NXPE2: variants seen among roughly 807,000 people sequenced by gnomAD.
NXPE2 encodes neurexophilin and PC-esterase domain family member 2, also known as NXPE family member 2.
NXPE2 carries 34 observed loss-of-function variants against 34.4 expected under a neutral mutation model. That is an observed-to-expected ratio of 0.99 (90% CI 0.75 to 1.31). NXPE2 has a LOEUF of 1.31. Among genes scored for constraint, NXPE2 ranks in the 40% most tolerant of loss-of-function variants. NXPE2 has a pLI of 0.00. For missense variants in NXPE2, 649 were observed against 672.5 expected, an observed-to-expected ratio of 0.97 and a Z score of 0.39; for synonymous variants, 235 against 231.3, an observed-to-expected ratio of 1.02 and a Z score of -0.15.
At chr11:114,582,310 G>A in the NXPE2 span, 14 of 1,581,698 alleles carry the variant, frequency 8.9e-6, no homozygotes, top group Middle Eastern at 3.4e-4. Context: ...CTCTTTTCTT[G>A]TTTGCTAAGA....
At chr11:114,514,590 T>C in the NXPE2 span, among the ~76,000 whole-genome samples, 1 of 152,124 alleles carries the variant, frequency 6.6e-6, no homozygotes, top group South Asian at 2.1e-4. Context: ...GGTCTCACTA[T>C]GTTGCCCAGG....
At chr11:114,553,768 G>A in the NXPE2 span, 6 of 985,236 alleles carry the variant, frequency 6.1e-6, no homozygotes, top group South Asian at 9.4e-5. Flanking sequence ...CACTGGTAGA[G>A]GTGAGCTGAA....
the NXPE2 span, among the ~76,000 whole-genome samples, chr11:114,712,505 A>T: frequency 2.0e-5 from 3 of 152,226 alleles, no homozygotes. Context: ...GCCAATAAAC[A>T]CATAAAAAGA....
the NXPE2 span, among the ~76,000 whole-genome samples, chr11:114,659,667 T>C: frequency 6.6e-6 from 1 of 152,092 alleles, no homozygotes; most frequent in Non-Finnish European, 1.5e-5. Context: ...GGGATGCAGG[T>C]AAAGCAGTGT....
chr11:114,748,309 A>G, the NXPE2 span, among the ~76,000 whole-genome samples: 1 of 152,194 alleles, frequency 6.6e-6, no homozygotes, highest in Non-Finnish European at 1.5e-5. Flanking sequence ...TCCTACTAAT[A>G]AGGACTTTCT....
the NXPE2 span, among the ~76,000 whole-genome samples, chr11:114,767,734 C>A: frequency 1.3e-5 from 2 of 152,266 alleles, no homozygotes; most frequent in South Asian, 4.2e-4. Context: ...GCTATGCTCT[C>A]CATGGTACAT....
chr11:114,571,423 C>G, the NXPE2 span: 1 of 1,611,508 alleles, frequency 6.2e-7, no homozygotes, highest in Non-Finnish European at 8.5e-7. Flanking sequence ...AAATCCACAG[C>G]AAGCTGGTGT....
chr11:114,757,395 C>T, the NXPE2 span, among the ~76,000 whole-genome samples: 2 of 151,056 alleles, frequency 1.3e-5, no homozygotes, highest in African/African-American at 4.9e-5. Flanking sequence ...GTGAGAGGAG[C>T]AAAAATTCTG....
At chr11:114,801,975 C>T in the NXPE2 span, among the ~76,000 whole-genome samples, 1 of 152,190 alleles carries the variant, frequency 6.6e-6, no homozygotes, top group Middle Eastern at 3.4e-3. Flanking sequence ...AAGGGCTACA[C>T]TTATAAATTT....
the NXPE2 span, among the ~76,000 whole-genome samples, chr11:114,509,385 T>C: frequency 6.6e-6 from 1 of 152,102 alleles, no homozygotes; most frequent in Admixed American, 6.5e-5. Flanking sequence ...GACCTAAACA[T>C]AGAAATACCA....
chr11:114,582,793 C>T, the NXPE2 span: 1 of 1,614,148 alleles, frequency 6.2e-7, no homozygotes, highest in East Asian at 2.2e-5. Context: ...CAGTACGTAT[C>T]TCGAGGGTTG....
chr11:114,794,360 G>A, the NXPE2 span, among the ~76,000 whole-genome samples: 77 of 152,224 alleles, frequency 5.1e-4, 1 homozygote, highest in South Asian at 0.015. Context: ...TCAGCTTAGT[G>A]TGGCCTCTGG....
chr11:114,709,393 C>T (rs936482860), downstream of NXPE2, among the ~76,000 whole-genome samples: 29 of 151,994 alleles, frequency 1.9e-4, no homozygotes, highest in Non-Finnish European at 3.1e-4. Flanking sequence ...ACTTTTAAGC[C>T]ATTTACTTCT....
chr11:114,783,841 C>A, the NXPE2 span, among the ~76,000 whole-genome samples: 10 of 152,114 alleles, frequency 6.6e-5, no homozygotes, highest in Admixed American at 6.5e-4. Flanking sequence ...CCAAGTGATT[C>A]TTATAATCAG....
the NXPE2 span, among the ~76,000 whole-genome samples, chr11:114,533,732 T>G: frequency 1.3e-5 from 2 of 152,088 alleles, no homozygotes; most frequent in Admixed American, 6.5e-5. Context: ...GCAGCAAGAC[T>G]AGGGGAGGGG....
At chr11:114,632,629 TAATA>T in the NXPE2 span, among the ~76,000 whole-genome samples, 1 of 100,018 alleles carries the variant, frequency 1.0e-5, no homozygotes, top group Non-Finnish European at 1.8e-5. Context: ...TATTTATATA[TAATA>T]AATGTAAATA....
At chr11:114,622,369 C>T in the NXPE2 span, among the ~76,000 whole-genome samples, 4 of 152,140 alleles carry the variant, frequency 2.6e-5, no homozygotes, top group African/African-American at 9.7e-5. Context: ...ACCACTGTTA[C>T]CAAGTGGATA....
intron 3 of NXPE2, among the ~76,000 whole-genome samples, chr11:114,700,116 TCAGCACCTTCTGTATTCCAGACA>T (rs1951337760): frequency 6.6e-6 from 1 of 152,148 alleles, no homozygotes; most frequent in African/African-American, 2.4e-5. Context: ...TTATAAGTAG[TCAGCACCTTCTGTATTCCAGACA>T]CAGCACTAGG....
the NXPE2 span, chr11:114,595,568 C>A: frequency 6.6e-6 from 1 of 152,298 alleles, no homozygotes; most frequent in Admixed American, 6.5e-5. Context: ...CCTCACCTTC[C>A]CAATTTTACA....
Sources: allele counts gnomAD v4.1 joint callset (sites outside exome capture counted in the v4.1 genomes callset), GRCh38; gene constraint gnomAD v4.1.1; transcripts MANE v1.5; gene names NCBI Gene and HGNC (gene_info 2026-07-23, HGNC 2026-07-21).